Variants in MITF observed in about 807,000 individuals in gnomAD.
MITF encodes the protein microphthalmia-associated transcription factor.
A neutral mutation model predicts 60.5 loss-of-function variants in MITF; 17 were observed. The observed-to-expected ratio is 0.28, with a 90% CI of 0.19 to 0.42. The LOEUF is 0.42. MITF is among the 10% of genes least tolerant of loss of function. The probability of loss-of-function intolerance (pLI) is 1.00; values close to 1 mark genes in which losing one functional copy is unlikely to be tolerated. For synonymous variants in MITF, 260 were observed against 248.5 expected (o/e 1.05, Z -0.43); for missense variants, 622 against 683.5 (o/e 0.91, Z 1.00).
intron 1 of MITF, among the ~76,000 whole-genome samples, chr3:69,824,412 GATTA>G (rs1357973932): frequency 6.6e-6 from 1 of 152,298 alleles, no homozygotes; most frequent in East Asian, 1.9e-4. Flanking sequence ...GTTCTATGAT[GATTA>G]TCAATTTATT....
intron 1 of MITF, among the ~76,000 whole-genome samples, chr3:69,829,752 T>TCAAA (rs2063415933): frequency 2.0e-5 from 3 of 152,166 alleles, no homozygotes; most frequent in Non-Finnish European, 2.9e-5. Flanking sequence ...CTTGGACTAC[T>TCAAA]AATGCATACA....
intron 1 of MITF, among the ~76,000 whole-genome samples, chr3:69,792,697 A>G (rs1369943490): frequency 6.6e-6 from 1 of 152,074 alleles, no homozygotes; most frequent in Non-Finnish European, 1.5e-5. Flanking sequence ...GCATTATTTT[A>G]TTGGCATCTC....
chr3:69,941,007 C>T (rs1015013742), intron 4 of MITF, among the ~76,000 whole-genome samples: 1 of 152,170 alleles, frequency 6.6e-6, no homozygotes, highest in Non-Finnish European at 1.5e-5. Flanking sequence ...CTCATAATCA[C>T]TCATTAAATG....
intron 1 of MITF, among the ~76,000 whole-genome samples, chr3:69,773,283 A>G (rs901611549): frequency 3.9e-5 from 6 of 152,138 alleles, no homozygotes; most frequent in Admixed American, 2.0e-4. Flanking sequence ...GGGTCAGTGA[A>G]GGAATGGGAT....
At chr3:69,929,631 T>C (rs1559726909) in intron 2 of MITF, among the ~76,000 whole-genome samples, 1 of 152,160 alleles carries the variant, frequency 6.6e-6, no homozygotes, top group Non-Finnish European at 1.5e-5. Context: ...AGGGAACCAT[T>C]ACAGAGGTGG....
chr3:69,820,928 T>C (rs1009385462), intron 1 of MITF, among the ~76,000 whole-genome samples: 2 of 152,156 alleles, frequency 1.3e-5, no homozygotes, highest in Admixed American at 6.5e-5. Flanking sequence ...TGTGTGTGTG[T>C]GTATGTGTCT....
intron 3 of MITF, 190 bp from the exon 4 acceptor site, chr3:69,938,907 AC>A: frequency 6.8e-7 from 1 of 1,469,922 alleles, no homozygotes; most frequent in East Asian, 2.5e-5. Context: ...ATTTTTCTCT[AC>A]CCAAATTTGT....
chr3:69,811,154 G>T (rs2063094593), intron 1 of MITF, among the ~76,000 whole-genome samples: 2 of 152,160 alleles, frequency 1.3e-5, no homozygotes, highest in Non-Finnish European at 2.9e-5. Context: ...TCTGATGGTG[G>T]TCTAAGGTGG....
chr3:69,755,386 C>T (rs1704098494), intron 1 of MITF, among the ~76,000 whole-genome samples: 1 of 144,512 alleles, frequency 6.9e-6, no homozygotes, highest in Admixed American at 7.1e-5. Flanking sequence ...AGCCATAAGG[C>T]CCTGTATTCT....
intron 1 of MITF, among the ~76,000 whole-genome samples, chr3:69,868,400 G>A (rs2064156965): frequency 6.6e-6 from 1 of 152,134 alleles, no homozygotes; most frequent in Admixed American, 6.5e-5. Flanking sequence ...GCTATTATCT[G>A]TTGTGGTCTG....
chr3:69,911,772 G>A (rs2065230593), intron 2 of MITF, among the ~76,000 whole-genome samples: 1 of 152,154 alleles, frequency 6.6e-6, no homozygotes, highest in Non-Finnish European at 1.5e-5. Flanking sequence ...GCCTGATAAT[G>A]GTATGTTTGG....
chr3:69,959,348 A>G lies in MITF; in HGVS notation c.1107A>G (p.Gln369=). 1 of 1,614,058 alleles carries G rather than the reference A, an allele frequency of 6.2e-7. No individual in the cohort carries two copies. Among genetic ancestry groups the G allele is most frequent in the Non-Finnish European group, 8.5e-7 (1 of 1,179,972 alleles). Residue 369 remains glutamine, a synonymous_variant, in exon 9 of 10, where the codon CAA becomes CAG. Transcript: ENST00000352241. ...TCCGAAAGTTGCAACGAGAACAGCAACGCGCAAAAGAACTTGAAAACCGAC... is the reference window on the plus strand; with the variant it reads ...TCCGAAAGTTGCAACGAGAACAGCAGCGCGCAAAAGAACTTGAAAACCGAC... ...DYIRKLQREQ[Q]RAKELENRQK...
chr3:69,890,124 C>CA (rs2064725863), intron 2 of MITF, among the ~76,000 whole-genome samples: 1 of 152,056 alleles, frequency 6.6e-6, no homozygotes, highest in South Asian at 2.1e-4. Context: ...AAAGAAAACA[C>CA]AAAAAAATTA....
intron 1 of MITF, among the ~76,000 whole-genome samples, chr3:69,852,462 T>C (rs11923382): frequency 0.31 from 47,126 of 152,166 alleles, 8,821 homozygotes; most frequent in Non-Finnish European, 0.42. Context: ...CGCTTAACAT[T>C]ATGTATGTGA....
chr3:69,768,386 C>A (rs138498442), intron 1 of MITF, among the ~76,000 whole-genome samples: 148 of 152,316 alleles, frequency 9.7e-4, no homozygotes, highest in African/African-American at 3.5e-3. Context: ...GTCTTCACTC[C>A]ATAGATTGAC....
intron 2 of MITF, among the ~76,000 whole-genome samples, chr3:69,930,921 A>G (rs1420398001): frequency 2.0e-5 from 3 of 152,240 alleles, no homozygotes; most frequent in Admixed American, 1.3e-4. Flanking sequence ...GGAACAACTC[A>G]AAGTAAGAAG....
intron 1 of MITF, among the ~76,000 whole-genome samples, chr3:69,855,100 C>T (rs1175653557): frequency 6.6e-6 from 1 of 151,492 alleles, no homozygotes; most frequent in East Asian, 1.9e-4. Flanking sequence ...TACCCCCCGC[C>T]CCCCAGGGAC....
At chr3:69,839,600 T>C (rs1199122782) in intron 1 of MITF, among the ~76,000 whole-genome samples, 1 of 152,076 alleles carries the variant, frequency 6.6e-6, no homozygotes, top group Non-Finnish European at 1.5e-5. Context: ...TCCTACCCAC[T>C]TCGTTTCAGC....
At chr3:69,765,199 C>G (rs2062271282) in intron 1 of MITF, among the ~76,000 whole-genome samples, 1 of 152,184 alleles carries the variant, frequency 6.6e-6, no homozygotes, top group Non-Finnish European at 1.5e-5. Flanking sequence ...AAACTGCTGA[C>G]TTACTATTTT....
Sources: allele counts gnomAD v4.1 joint callset (sites outside exome capture counted in the v4.1 genomes callset), GRCh38; gene constraint gnomAD v4.1.1; transcripts MANE v1.5; gene names NCBI Gene and HGNC (gene_info 2026-07-23, HGNC 2026-07-21).